CD5L: variants seen among roughly 807,000 people sequenced by gnomAD.
CD5L encodes the protein CD5 antigen-like.
A neutral mutation model predicts 40.8 loss-of-function variants in CD5L; 39 were observed. The ratio of observed to expected loss-of-function variants is 0.96; its 90% CI spans 0.74 to 1.25. The LOEUF (loss-of-function observed/expected upper bound fraction) is 1.25, where lower values mean the gene tolerates loss of function less well. Ranked by LOEUF, CD5L falls within the 50% of genes most tolerant of loss-of-function variation. The pLI, the probability that CD5L is intolerant of heterozygous loss-of-function variation, is 0.00. For missense variants in CD5L, 433 were observed against 435.9 expected, an observed-to-expected ratio of 0.99 and a Z score of 0.06; for synonymous variants, 192 against 169.6, an observed-to-expected ratio of 1.13 and a Z score of -1.03.
chr1:157,828,144 A>C (rs559430463), downstream of CD5L, among the ~76,000 whole-genome samples: 1 of 152,146 alleles, frequency 6.6e-6, no homozygotes, highest in Non-Finnish European at 1.5e-5. Flanking sequence ...TCTGGGTTCT[A>C]TGTGGAGCAA....
downstream of CD5L, among the ~76,000 whole-genome samples, chr1:157,828,558 T>C (rs1655962886): frequency 1.3e-5 from 2 of 152,290 alleles, no homozygotes; most frequent in South Asian, 4.1e-4. Context: ...TACTTCAGCT[T>C]ACTCATTCCT....
chr1:157,834,609 T>C lies in CD5L; in HGVS notation c.516A>G (p.Ala172=), dbSNP rs372642986. The C allele has an allele frequency of 7.4e-6, 12 of 1,614,052 alleles. No individual in the cohort carries two copies. In the African/African-American group the frequency reaches 1.3e-4, roughly 18 times the overall value. ...ATCCCAGCTGCCGGCACACCACCTT[T>C]GCGGCCCGGAGGCTCCAGCCTGTCT... is the stretch of plus-strand genomic sequence containing the variant. ...VCQTGWSLRA[A]KVVCRQLGCG... is the part of the protein sequence containing the mutation. The change falls in exon 4 of 6, where the codon GCA becomes GCG. Residue 172 remains alanine, a synonymous_variant. Transcript: ENST00000368174.
downstream of CD5L, among the ~76,000 whole-genome samples, chr1:157,827,692 C>G (rs1237753468): frequency 6.6e-6 from 1 of 152,172 alleles, no homozygotes; most frequent in Non-Finnish European, 1.5e-5. Flanking sequence ...AACATCTTCA[C>G]AGACACACAT....
chr1:157,837,556 G>A (rs912497116), intron 2 of CD5L, among the ~76,000 whole-genome samples: 7 of 152,126 alleles, frequency 4.6e-5, no homozygotes, highest in Non-Finnish European at 7.4e-5. Context: ...GAGAGGCCAC[G>A]TTTGGACTGG....
At chr1:157,832,836 T>TTTGAAA (rs1469147517) in intron 5 of CD5L, among the ~76,000 whole-genome samples, 1 of 152,214 alleles carries the variant, frequency 6.6e-6, no homozygotes, top group Non-Finnish European at 1.5e-5. Context: ...ATTTTAATGC[T>TTTGAAA]TTTGAAGGTT....
rs1042548585 is a variant in CD5L at position 157,833,657 on chromosome 1, G to GTT, written c.719-146_719-145insAA. The GTT allele has an allele frequency of 5.2e-5, 35 of 669,114 alleles. No homozygotes were observed. The Admixed American group carries it at 1.0e-3, about 19-fold the overall frequency. The allele number at this position is 669,114 out of a possible 1,614,324, so 41.4% of individuals were successfully genotyped here. A position where few individuals can be genotyped will look rare whatever the true frequency, so the allele number is the denominator to read the frequency against. On this transcript the variant is annotated intron_variant, in intron 4 of 5. Coordinates refer to ENST00000368174, the MANE Select transcript of CD5L (RefSeq NM_005894.3). ...GTCTCACTCTGTTGCCCAGGCTGGA[G>GTT]TGTAGTGGTGTGATCACCACTCATT...
chr1:157,834,558 T>C lies in CD5L; in HGVS notation c.567A>G (p.Lys189=), dbSNP rs762369619. ...GGCCATAGGCATGCTTGTTGCAGCG[T>C]TTTTGAGTCAGTACAGCCCTCCCAC... ...LGCGRAVLTQ[K]RCNKHAYGRK... Residue 189 remains lysine, a synonymous_variant, in exon 4 of 6, where the codon AAA becomes AAG. Coordinates refer to ENST00000368174, the MANE Select transcript of CD5L (RefSeq NM_005894.3). 21 of 1,614,128 alleles carry C rather than the reference T, an allele frequency of 1.3e-5. No homozygotes were observed. The highest frequency in any genetic ancestry group is 1.7e-5 in the Non-Finnish European group (20 of 1,180,030).
Position 157,833,196 on chromosome 1 carries a change from G to T in CD5L, c.1035C>A (p.Cys345Ter), listed in dbSNP as rs769654318. 3 of 1,611,386 alleles carry T rather than the reference G, an allele frequency of 1.9e-6. 1 individual carries two copies. In the Admixed American group the frequency reaches 5.0e-5, roughly 27 times the overall value. Residue 345 changes from cysteine (C) to a stop codon, truncating the protein, a stop_gained, in exon 5 of 6, where the codon TGC becomes TGA. Transcript: ENST00000368174. LOFTEE classifies it high-confidence loss of function. Reference protein sequence around the residue: ...CTHQEDVAVICSG With the variant: ...CTHQEDVAVI ...AACTCCATCTGTAGGACTCACCTGA[G>T]CAGATGACAGCCACATCTTCCTGGT...
At chr1:157,834,317 C>T (rs761260740) in intron 4 of CD5L, 90 bp downstream of exon 4, 149 of 1,067,386 alleles carry the variant, frequency 1.4e-4, no homozygotes, top group Non-Finnish European at 1.7e-4. Flanking sequence ...TCCTTTGGTG[C>T]GTTAGTAGCT....
chr1:157,831,144 A>G lies in CD5L; in HGVS notation c.*820T>C, dbSNP rs1656035401. ...TAAGACACAACTTTAGCCCTCCCTG[A>G]TCTCTTTCTGCCTCTTTCTTGACCT... On this transcript the variant is annotated 3_prime_UTR_variant, in exon 6 of 6. Coordinates refer to ENST00000368174, the MANE Select transcript of CD5L (RefSeq NM_005894.3). 4 of 985,096 alleles carry G rather than the reference A, an allele frequency of 4.1e-6. No individual in the cohort carries two copies. Among genetic ancestry groups the G allele is most frequent in the Non-Finnish European group, 4.8e-6 (4 of 829,794 alleles). The allele number at this position is 985,096 out of a possible 1,614,324, so 61.0% of individuals were successfully genotyped here. A position where few individuals can be genotyped will look rare whatever the true frequency, so the allele number is the denominator to read the frequency against.
At position 157,834,692 on chromosome 1, in the gene CD5L, C is replaced by G. The variant is rs1237854851; in HGVS notation, c.433G>C (p.Gly145Arg). Residue 145 changes from glycine (G) to arginine (R), a missense_variant, in exon 4 of 6, where the codon GGG becomes CGG. Gly to Arg is a moderately radical substitution (Grantham distance 125, BLOSUM62 -2). Transcript: ENST00000368174. Reference protein sequence around the residue: ...PEGVRLADGPGHCKGRVEVKH... With the variant: ...PEGVRLADGPRHCKGRVEVKH... ...ACTTCCACGCGTCCCTTGCAATGCCCAGGGCCGTCAGCCAGCCTGACACCC... is the reference window on the plus strand; with the variant it reads ...ACTTCCACGCGTCCCTTGCAATGCCGAGGGCCGTCAGCCAGCCTGACACCC... 6.2e-7 allele frequency: 1 copy of G among 1,614,176 alleles called. No homozygotes were observed. Among genetic ancestry groups the G allele is most frequent in the South Asian group, 1.1e-5 (1 of 91,074 alleles).
chr1:157,829,521 C>T (rs1655990482), downstream of CD5L, among the ~76,000 whole-genome samples: 1 of 152,122 alleles, frequency 6.6e-6, no homozygotes, highest in Admixed American at 6.5e-5. Flanking sequence ...ATTTATACAA[C>T]CAGGGCCACT....
chr1:157,828,505 G>A (rs1655961178), downstream of CD5L, among the ~76,000 whole-genome samples: 2 of 152,036 alleles, frequency 1.3e-5, no homozygotes. Context: ...AACACCAACA[G>A]GAGCAACTCT....
rs1656141169 is a variant in CD5L, at chr1:157,834,509, T to A, written c.616A>T (p.Met206Leu). The A allele has an allele frequency of 6.2e-7, 1 of 1,614,252 alleles. No homozygotes were observed. Among genetic ancestry groups the A allele is most frequent in the Non-Finnish European group, 8.5e-7 (1 of 1,180,046 alleles). ...GTTGCTTCTCGTCCTGAGCATGACA[T>A]CTGGCTCAGCCAGATGGGTTTTCGG... ...YGRKPIWLSQ[M>L]SCSGREATLQ... Residue 206 changes from methionine (M) to leucine (L), a missense_variant, in exon 4 of 6, where the codon ATG becomes TTG. By Grantham distance (15) the Met-to-Leu change is conservative. Transcript: ENST00000368174.
intron 2 of CD5L, among the ~76,000 whole-genome samples, chr1:157,836,853 G>T (rs55892440): frequency 6.6e-6 from 1 of 152,170 alleles, no homozygotes; most frequent in Admixed American, 6.5e-5. Context: ...CCAAGAGTTT[G>T]GTCTAATTCC....
In CD5L at chr1:157,833,465, G is replaced by A. The variant is rs777215063; in HGVS notation, c.766C>T (p.Arg256Ter). ...LVGGDNLCSGRLEVLHKGVWG... is the reference protein window; with the variant it reads ...LVGGDNLCSG ...ACGCCCTTGTGCAGCACCTCCAGTC[G>A]CCCAGAGCAGAGGTTGTCTCCTCCT... The change falls in exon 5 of 6, where the codon CGA (arginine) becomes TGA (stop). Residue 256 changes from arginine to a stop codon, truncating the protein, a stop_gained. Transcript: ENST00000368174. LOFTEE classifies it high-confidence loss of function. 6.8e-6 allele frequency: 11 copies of A among 1,613,886 alleles called. No individual in the cohort carries two copies. The highest frequency in any genetic ancestry group is 3.3e-5 in the South Asian group (3 of 91,076).
downstream of CD5L, among the ~76,000 whole-genome samples, chr1:157,827,449 A>T (rs1655931275): frequency 6.6e-6 from 1 of 152,200 alleles, no homozygotes; most frequent in Non-Finnish European, 1.5e-5. Flanking sequence ...CTGATGTTGT[A>T]AGTTCTGATC....
intron 2 of CD5L, among the ~76,000 whole-genome samples, chr1:157,837,322 C>G (rs1460785302): frequency 6.6e-6 from 1 of 151,418 alleles, no homozygotes; most frequent in Non-Finnish European, 1.5e-5. Flanking sequence ...AGGGAAGAGC[C>G]TATTAGACAG....
rs568047869 is a variant in CD5L, at chr1:157,836,240, C to T, written c.56-85G>A. On this transcript the variant is annotated intron_variant, in intron 2 of 5. Coordinates refer to ENST00000368174, the MANE Select transcript of CD5L (RefSeq NM_005894.3). ...TGTACTCAGTCAATCTGGGACTCTT[C>T]CACCATTCAAATGGTGCAGAGTGTT... 7.2e-6 allele frequency: 8 copies of T among 1,108,862 alleles called. No homozygotes were observed. The East Asian group carries it at 7.3e-5, about 10-fold the overall frequency. The allele number at this position is 1,108,862 out of a possible 1,614,324, so 68.7% of individuals were successfully genotyped here. A position where few individuals can be genotyped will look rare whatever the true frequency, so the allele number is the denominator to read the frequency against.
Sources: allele counts gnomAD v4.1 joint callset (sites outside exome capture counted in the v4.1 genomes callset), GRCh38; gene constraint gnomAD v4.1.1; transcripts MANE v1.5; gene names NCBI Gene and HGNC (gene_info 2026-07-23, HGNC 2026-07-21).